Variants in ZNF385D observed in about 807,000 individuals in gnomAD.
ZNF385D encodes the protein zinc finger protein 659.
Under a neutral mutation model 35.8 loss-of-function variants are expected in ZNF385D, and 15 were observed. The ratio of observed to expected loss-of-function variants is 0.42; its 90% CI spans 0.28 to 0.64. The LOEUF (loss-of-function observed/expected upper bound fraction) is 0.64, where lower values mean the gene tolerates loss of function less well. ZNF385D is among the 30% of genes least tolerant of loss of function. The pLI, the probability that ZNF385D is intolerant of heterozygous loss-of-function variation, is 0.23. For synonymous variants in ZNF385D, 212 were observed against 186.8 expected, an observed-to-expected ratio of 1.13 and a Z score of -1.10; for missense variants, 474 against 494.6, an observed-to-expected ratio of 0.96 and a Z score of 0.39.
intron 5 of ZNF385D, among the ~76,000 whole-genome samples, chr3:21,430,237 A>G: frequency 6.6e-6 from 1 of 151,470 alleles, no homozygotes; most frequent in Non-Finnish European, 1.5e-5. Context: ...ATATTGCCCC[A>G]AATAAGAAAA....
chr3:21,731,313 G>A (rs902084245), intron 1 of ZNF385D, among the ~76,000 whole-genome samples: 5 of 152,062 alleles, frequency 3.3e-5, no homozygotes, highest in Non-Finnish European at 7.4e-5. Context: ...TTATATGTAA[G>A]GTGTTTGTTC....
intron 2 of ZNF385D, among the ~76,000 whole-genome samples, chr3:22,304,612 T>C (rs1293483966): frequency 1.3e-5 from 2 of 152,154 alleles, no homozygotes; most frequent in Non-Finnish European, 2.9e-5. Context: ...CCAGCACCAA[T>C]TTTGATAATT....
intron 2 of ZNF385D, among the ~76,000 whole-genome samples, chr3:22,350,558 A>T: frequency 6.6e-6 from 1 of 152,052 alleles, no homozygotes; most frequent in Non-Finnish European, 1.5e-5. Flanking sequence ...TTCTTAATTC[A>T]ATTAATATTT....
rs535159316 is a variant in ZNF385D at position 21,418,170 on chromosome 3, C to A, written c.*3044G>T. 6.6e-6 allele frequency: 1 copy of A among 152,116 alleles called. No individual in the cohort carries two copies. Among genetic ancestry groups the A allele is most frequent in the Non-Finnish European group, 1.5e-5 (1 of 67,996 alleles). 9.4% of individuals were successfully genotyped at this position (152,116 alleles called of 1,614,324 possible). ...TATATTTGTTTCAAATGAATCAGAGCTGCTTTCTCTATCACTTTCCTTGCC... is the reference window on the plus strand; with the variant it reads ...TATATTTGTTTCAAATGAATCAGAGATGCTTTCTCTATCACTTTCCTTGCC... On this transcript the variant is annotated 3_prime_UTR_variant, in exon 8 of 8. Coordinates refer to ENST00000281523, the MANE Select transcript of ZNF385D (RefSeq NM_024697.3).
chr3:21,755,107 G>A (rs575501904), upstream of ZNF385D, among the ~76,000 whole-genome samples: 78 of 152,332 alleles, frequency 5.1e-4, no homozygotes, highest in African/African-American at 1.7e-3. Context: ...GCTGCATGGA[G>A]CAGAGACTTA....
intron 4 of ZNF385D, among the ~76,000 whole-genome samples, chr3:21,445,581 A>G (rs1272133806): frequency 6.6e-6 from 1 of 152,210 alleles, no homozygotes; most frequent in Non-Finnish European, 1.5e-5. Context: ...CACCTCAGCA[A>G]TCTATATCAA....
intron 1 of ZNF385D, among the ~76,000 whole-genome samples, chr3:21,666,492 A>G (rs925533968): frequency 1.3e-5 from 2 of 152,236 alleles, no homozygotes; most frequent in Admixed American, 1.3e-4. Flanking sequence ...GTCTGTAATC[A>G]GTAAACTAAT....
At chr3:22,185,355 C>G (rs184503305) in intron 2 of ZNF385D, among the ~76,000 whole-genome samples, 1 of 152,168 alleles carries the variant, frequency 6.6e-6, no homozygotes, top group African/African-American at 2.4e-5. Flanking sequence ...ACTATTATTG[C>G]AGGCTTAATG....
At chr3:21,919,521 G>C (rs769260182) in intron 3 of ZNF385D, among the ~76,000 whole-genome samples, 2 of 152,176 alleles carry the variant, frequency 1.3e-5, no homozygotes, top group African/African-American at 2.4e-5. Context: ...CAAGTAGTGG[G>C]AGACAGACTG....
At chr3:22,314,717 G>C (rs1193817186) in intron 2 of ZNF385D, among the ~76,000 whole-genome samples, 2 of 152,088 alleles carry the variant, frequency 1.3e-5, no homozygotes, top group Non-Finnish European at 2.9e-5. Context: ...CATCCCCATT[G>C]AGAATGCATG....
At chr3:21,793,410 A>T (rs1299553256) in intron 3 of ZNF385D, among the ~76,000 whole-genome samples, 1 of 152,248 alleles carries the variant, frequency 6.6e-6, no homozygotes, top group African/African-American at 2.4e-5. Flanking sequence ...GGAACAAAGA[A>T]CAACAGATCC....
intron 2 of ZNF385D, among the ~76,000 whole-genome samples, chr3:22,290,141 C>A (rs960782200): frequency 6.6e-6 from 1 of 152,190 alleles, no homozygotes; most frequent in Middle Eastern, 3.4e-3. Flanking sequence ...GATTAAGAGC[C>A]AAATTGTGAG....
At chr3:22,118,460 G>T (rs1702920040) in intron 3 of ZNF385D, among the ~76,000 whole-genome samples, 3 of 152,224 alleles carry the variant, frequency 2.0e-5, no homozygotes, top group South Asian at 4.1e-4. Context: ...AAACATGGTT[G>T]CTGCATATAG....
intron 2 of ZNF385D, among the ~76,000 whole-genome samples, chr3:21,635,576 G>A (rs1464971425): frequency 7.1e-6 from 1 of 141,104 alleles, no homozygotes; most frequent in African/African-American, 2.6e-5. Flanking sequence ...TGTTGTTGTT[G>A]TTTCCATAGG....
At chr3:22,145,004 A>G (rs1704757480) in intron 3 of ZNF385D, among the ~76,000 whole-genome samples, 1 of 81,760 alleles carries the variant, frequency 1.2e-5, no homozygotes, top group Non-Finnish European at 2.5e-5. Flanking sequence ...AGTGTTGAAG[A>G]TACATATGTG....
At chr3:21,689,739 C>T (rs74639199) in intron 1 of ZNF385D, among the ~76,000 whole-genome samples, 2,412 of 152,194 alleles carry the variant, frequency 0.016, 68 homozygotes, top group African/African-American at 0.054. Flanking sequence ...AATTACCACA[C>T]ATTTCTGGGC....
chr3:22,133,026 T>C (rs188916363), intron 3 of ZNF385D, among the ~76,000 whole-genome samples: 33 of 152,120 alleles, frequency 2.2e-4, no homozygotes, highest in Non-Finnish European at 4.1e-4. Flanking sequence ...TTCTATAGTT[T>C]CCCCAAGGAC....
At chr3:21,590,641 A>C (rs1265946560) in intron 2 of ZNF385D, among the ~76,000 whole-genome samples, 1 of 152,136 alleles carries the variant, frequency 6.6e-6, no homozygotes. Flanking sequence ...CACAATTAAC[A>C]AAGTGGAGGC....
chr3:22,129,373 G>A (rs766971587), intron 3 of ZNF385D, among the ~76,000 whole-genome samples: 7 of 152,096 alleles, frequency 4.6e-5, no homozygotes, highest in Non-Finnish European at 7.4e-5. Context: ...CTCTGTCAGC[G>A]GGTGATGAAT....
Sources: allele counts gnomAD v4.1 joint callset (sites outside exome capture counted in the v4.1 genomes callset), GRCh38; gene constraint gnomAD v4.1.1; transcripts MANE v1.5; gene names NCBI Gene and HGNC (gene_info 2026-07-23, HGNC 2026-07-21).